HPN: variants seen among roughly 807,000 people sequenced by gnomAD.
HPN encodes the protein hepsin.
HPN carries 13 observed loss-of-function variants against 55.9 expected under a neutral mutation model. That is an observed-to-expected ratio of 0.23 (90% CI 0.15 to 0.37). The LOEUF is 0.37. Among genes scored for constraint, HPN ranks in the 10% least tolerant of loss-of-function variants. The pLI is 1.00. For missense variants in HPN, 451 were observed against 575.8 expected (o/e 0.78, Z 2.22); for synonymous variants, 225 against 240.3 (o/e 0.94, Z 0.59).
chr19:35,048,299 T>G (rs1385817428), intron 2 of HPN, among the ~76,000 whole-genome samples: 1 of 152,216 alleles, frequency 6.6e-6, no homozygotes, highest in Non-Finnish European at 1.5e-5. Flanking sequence ...CTGCTCTGCC[T>G]CTTCCAGGCT....
At chr19:35,050,914 C>CTTTTTTT (rs5827917) in intron 4 of HPN, among the ~76,000 whole-genome samples, 305 of 90,324 alleles carry the variant, frequency 3.4e-3, no homozygotes, top group East Asian at 4.4e-3. Flanking sequence ...TTCTTTCTTT[C>CTTTTTTT]TTTTTTTTTT....
At chr19:35,049,861 G>GT (rs67924531) in intron 4 of HPN, among the ~76,000 whole-genome samples, 1,256 of 124,376 alleles carry the variant, frequency 0.01, 23 homozygotes, top group African/African-American at 0.035. Context: ...ATTTTTGTTT[G>GT]TTTTTTTTTT....
chr19:35,045,365 A>G (rs1422321847), intron 2 of HPN, among the ~76,000 whole-genome samples: 1 of 152,134 alleles, frequency 6.6e-6, no homozygotes, highest in Non-Finnish European at 1.5e-5. Context: ...TCCAAAGAGG[A>G]GAGCATTTAT....
chr19:35,046,056 G>A (rs1600378310), intron 2 of HPN, among the ~76,000 whole-genome samples: 1 of 152,178 alleles, frequency 6.6e-6, no homozygotes, highest in African/African-American at 2.4e-5. Context: ...CAGCCCAGTG[G>A]CTGTCGGGAG....
chr19:35,054,350 A>G (rs1359629077), intron 4 of HPN, among the ~76,000 whole-genome samples: 2 of 151,218 alleles, frequency 1.3e-5, no homozygotes, highest in Non-Finnish European at 2.9e-5. Flanking sequence ...CCTGGGAGGC[A>G]GAGGTTGCAG....
intron 2 of HPN, among the ~76,000 whole-genome samples, chr19:35,047,293 G>T (rs1568355871): frequency 6.6e-6 from 1 of 152,240 alleles, no homozygotes; most frequent in Admixed American, 6.5e-5. Context: ...ACATAAGAGA[G>T]CCTGCTTATT....
intron 9 of HPN, among the ~76,000 whole-genome samples, chr19:35,061,779 T>C (rs2064536282): frequency 6.6e-6 from 1 of 151,604 alleles, no homozygotes; most frequent in South Asian, 2.1e-4. Context: ...GTATGAAATG[T>C]ACAAGGCTGG....
At chr19:35,058,299 C>G (rs2064479110) in intron 4 of HPN, among the ~76,000 whole-genome samples, 1 of 149,604 alleles carries the variant, frequency 6.7e-6, no homozygotes, top group Admixed American at 6.6e-5. Context: ...CCTGCCTCAG[C>G]CTCCCGAGTA....
At position 35,059,974 on chromosome 19, in the gene HPN, C is replaced by T. The variant is rs45512696; in HGVS notation, c.391C>T (p.Leu131=). 0.15 allele frequency: 230,698 copies of T among 1,563,892 alleles called. 18,793 individuals are homozygous for T. The highest frequency in any genetic ancestry group is 0.17 in the Non-Finnish European group (194,727 of 1,153,542). ...GGGGAGGCTGCCCCACACCCAGAGG[C>T]TGCTGGAGGTCATCTCCGTGTGGTG... ...DEGRLPHTQR[L]LEVISVCDCP... is the part of the protein sequence containing the mutation. The change falls in exon 6 of 13, where the codon CTG becomes TTG. Residue 131 remains leucine, a synonymous_variant. Transcript: ENST00000672452.
chr19:35,048,882 G>A (rs1448624603), intron 2 of HPN, among the ~76,000 whole-genome samples: 1 of 152,216 alleles, frequency 6.6e-6, no homozygotes, highest in African/African-American at 2.4e-5. Context: ...AGGCAGCGAG[G>A]AAATGCCAGC....
intron 4 of HPN, among the ~76,000 whole-genome samples, chr19:35,051,164 T>G (rs764615075): frequency 6.6e-6 from 1 of 152,140 alleles, no homozygotes; most frequent in Non-Finnish European, 1.5e-5. Context: ...GCAGGAGTGC[T>G]GTGGCGCGAT....
intron 4 of HPN, among the ~76,000 whole-genome samples, chr19:35,055,722 GC>G (rs1261052715): frequency 1.4e-5 from 2 of 139,722 alleles, no homozygotes; most frequent in Non-Finnish European, 3.1e-5. Flanking sequence ...TCCCATCCCT[GC>G]CCCCCAATCA....
intron 4 of HPN, among the ~76,000 whole-genome samples, chr19:35,055,682 A>G (rs980068799): frequency 5.1e-5 from 7 of 137,312 alleles, no homozygotes; most frequent in Admixed American, 3.0e-4. Flanking sequence ...CCCTCTGGAC[A>G]TCCCAGAGCC....
Position 35,057,793 on chromosome 19 carries a change from C to T in HPN, c.161-1880C>T, listed in dbSNP as rs541515692. Among the ~76,000 whole-genome samples the T allele has an allele frequency of 2.1e-4, 32 of 152,232 alleles. No homozygotes were observed. The South Asian group carries it at 5.6e-3, about 27-fold the overall frequency. ...TTAGCTTGATTTAGCCGTTCCACAA[C>T]GTATACATATTTCACATCATCTTGT... On this transcript the variant is annotated intron_variant, in intron 4 of 12. Coordinates refer to ENST00000672452, the MANE Select transcript of HPN (RefSeq NM_001384133.1).
intron 9 of HPN, among the ~76,000 whole-genome samples, chr19:35,064,369 G>A (rs2064575450): frequency 6.6e-6 from 1 of 151,758 alleles, no homozygotes; most frequent in African/African-American, 2.4e-5. Context: ...CTTTTTTTGA[G>A]ACAGAGTCTT....
chr19:35,050,488 G>A (rs762025602), intron 4 of HPN: 7 of 1,288,846 alleles, frequency 5.4e-6, no homozygotes, highest in South Asian at 2.5e-5. Flanking sequence ...GCTGGGGAAC[G>A]AGGGGCCAGG....
At chr19:35,063,917 AGGGTTAATAT>A (rs989634776) in intron 9 of HPN, among the ~76,000 whole-genome samples, 4 of 152,218 alleles carry the variant, frequency 2.6e-5, no homozygotes, top group Non-Finnish European at 5.9e-5. Flanking sequence ...GACAATTAAA[AGGGTTAATAT>A]GAGTAAAGAG....
chr19:35,060,968 A>G, intron 9 of HPN, 151 bp downstream of exon 9: 1 of 707,598 alleles, frequency 1.4e-6, no homozygotes, highest in African/African-American at 1.8e-5. Context: ...GGCCTTAACT[A>G]TCAATGATCA....
chr19:35,048,058 AAG>A (rs1401374768), intron 2 of HPN, among the ~76,000 whole-genome samples: 8 of 53,354 alleles, frequency 1.5e-4, no homozygotes, highest in African/African-American at 7.8e-4. Flanking sequence ...GAAAGAAAGA[AAG>A]AAAGAAAGAA....
Sources: allele counts gnomAD v4.1 joint callset (sites outside exome capture counted in the v4.1 genomes callset), GRCh38; gene constraint gnomAD v4.1.1; transcripts MANE v1.5; gene names NCBI Gene and HGNC (gene_info 2026-07-23, HGNC 2026-07-21).